CSMD1: variants seen among roughly 807,000 people sequenced by gnomAD.
CSMD1 encodes the protein CUB and Sushi multiple domains 1, also known as CUB and sushi domain-containing protein 1.
CSMD1 carries 213 observed loss-of-function variants against 417.5 expected under a neutral mutation model. The observed-to-expected ratio is 0.51, with a 90% CI of 0.46 to 0.57. The LOEUF (loss-of-function observed/expected upper bound fraction) is 0.57. Ranked by LOEUF, CSMD1 falls within the 20% of genes least tolerant of loss-of-function variation. The pLI is 0.00. For missense variants in CSMD1, 6,923 were observed against 4,529.7 expected, an observed-to-expected ratio of 1.53 and a Z score of -15.17; for synonymous variants, 2,862 against 1,736.8, an observed-to-expected ratio of 1.65 and a Z score of -16.11.
chr8:3,796,520 T>C (rs571730508), intron 5 of CSMD1, among the ~76,000 whole-genome samples: 5 of 144,148 alleles, frequency 3.5e-5, no homozygotes, highest in African/African-American at 1.0e-4. Flanking sequence ...TATCTATATA[T>C]CTATATCTAA....
At chr8:4,236,891 A>T (rs1802098805) in intron 3 of CSMD1, among the ~76,000 whole-genome samples, 1 of 152,190 alleles carries the variant, frequency 6.6e-6, no homozygotes, top group Admixed American at 6.5e-5. Flanking sequence ...AATGGTATAA[A>T]TTCAATTTCC....
chr8:3,943,462 A>G (rs538226678), intron 5 of CSMD1, among the ~76,000 whole-genome samples: 189 of 151,452 alleles, frequency 1.2e-3, no homozygotes, highest in African/African-American at 4.5e-3. Flanking sequence ...TGTTTCTGAC[A>G]AAAATGATCA....
In CSMD1 at chr8:4,429,208, C is replaced by T. The variant is rs571093251; in HGVS notation, c.303-9143G>A. Among the ~76,000 whole-genome samples, 46 of 151,544 alleles carry T rather than the reference C, an allele frequency of 3.0e-4. 1 individual carries two copies. In the South Asian group the frequency reaches 9.0e-3, roughly 30 times the overall value. ...TAGAATTCTAAAAGGATCATGCCTG[C>T]CTTACACGAATATCTGGTTATGTTT... On this transcript the variant is annotated intron_variant, in intron 2 of 69. Transcript: ENST00000635120.
chr8:4,973,839 C>G (rs1810387054), intron 1 of CSMD1, among the ~76,000 whole-genome samples: 1 of 152,122 alleles, frequency 6.6e-6, no homozygotes, highest in African/African-American at 2.4e-5. Flanking sequence ...TAGGAAAACC[C>G]ATTATTCCTT....
At chr8:3,468,197 T>A (rs1816888683) in intron 12 of CSMD1, among the ~76,000 whole-genome samples, 1 of 152,232 alleles carries the variant, frequency 6.6e-6, no homozygotes, top group Non-Finnish European at 1.5e-5. Context: ...TCATTTGCAT[T>A]TCAATGGTTC....
rs1404147606 is a variant in CSMD1 at position 2,966,658 on chromosome 8, G to A, written c.9012C>T (p.Ala3004=). The part of the protein sequence containing the change: ...GILFSSSVIY[A]CWEGYKTSGL... ...CTGAGGTCTTGTAGCCTTCCCAGCAGGCATAGATGACCGAGCTGGAGAACA... is the reference window on the plus strand; with the variant it reads ...CTGAGGTCTTGTAGCCTTCCCAGCAAGCATAGATGACCGAGCTGGAGAACA... The change falls in exon 58 of 70, where the codon GCC becomes GCT. Residue 3004 remains alanine, a synonymous_variant. Transcript: ENST00000635120. 6.2e-7 allele frequency: 1 copy of A among 1,613,714 alleles called. No individual in the cohort carries two copies. Among genetic ancestry groups the A allele is most frequent in the Non-Finnish European group, 8.5e-7 (1 of 1,179,776 alleles).
chr8:4,950,280 T>C (rs1460815460), intron 1 of CSMD1, among the ~76,000 whole-genome samples: 2 of 152,176 alleles, frequency 1.3e-5, no homozygotes, highest in Admixed American at 6.6e-5. Context: ...CATTACTTTA[T>C]GGTTAATTCT....
intron 1 of CSMD1, among the ~76,000 whole-genome samples, chr8:4,968,894 G>C (rs959487700): frequency 6.6e-6 from 1 of 152,126 alleles, no homozygotes; most frequent in Non-Finnish European, 1.5e-5. Flanking sequence ...TGTCTCTCGG[G>C]TTGCCACCAA....
chr8:3,429,435 G>C (rs1326073599), intron 12 of CSMD1, among the ~76,000 whole-genome samples: 1 of 152,178 alleles, frequency 6.6e-6, no homozygotes, highest in African/African-American at 2.4e-5. Context: ...CAAGGGAAAT[G>C]GAAGCCATGT....
chr8:4,157,822 G>C (rs1370229834), intron 3 of CSMD1, among the ~76,000 whole-genome samples: 1 of 152,174 alleles, frequency 6.6e-6, no homozygotes, highest in South Asian at 2.1e-4. Context: ...GCTTTAGTCA[G>C]TCTCCTATCC....
chr8:4,389,330 C>G (rs1424842718), intron 3 of CSMD1, among the ~76,000 whole-genome samples: 2 of 152,040 alleles, frequency 1.3e-5, no homozygotes, highest in Non-Finnish European at 2.9e-5. Flanking sequence ...TCATCCTTCT[C>G]TTGGTGAGTG....
chr8:3,694,629 A>C (rs1800447534), intron 7 of CSMD1, among the ~76,000 whole-genome samples: 1 of 151,930 alleles, frequency 6.6e-6, no homozygotes, highest in Non-Finnish European at 1.5e-5. Context: ...CCTGGGCATG[A>C]GAGGGAGGCT....
chr8:4,443,341 T>C (rs751597292), intron 2 of CSMD1, among the ~76,000 whole-genome samples: 1 of 152,202 alleles, frequency 6.6e-6, no homozygotes, highest in Admixed American at 6.5e-5. Context: ...ACCCACAATA[T>C]GCATACACAC....
chr8:4,183,029 G>A (rs1333330788), intron 3 of CSMD1, among the ~76,000 whole-genome samples: 1 of 152,174 alleles, frequency 6.6e-6, no homozygotes, highest in Admixed American at 6.5e-5. Flanking sequence ...TGAGTAGAAA[G>A]TACACGTGAT....
chr8:3,884,139 C>T (rs1239506082), intron 5 of CSMD1, among the ~76,000 whole-genome samples: 1 of 152,030 alleles, frequency 6.6e-6, no homozygotes, highest in African/African-American at 2.4e-5. Context: ...AATTTTTATT[C>T]CTAAGAAAAT....
At chr8:4,683,522 T>C (rs1422458003) in intron 1 of CSMD1, among the ~76,000 whole-genome samples, 1 of 152,150 alleles carries the variant, frequency 6.6e-6, no homozygotes, top group East Asian at 1.9e-4. Flanking sequence ...CTGTAAGGGA[T>C]TGTGCCAGGA....
chr8:4,176,391 C>G (rs1455889255), intron 3 of CSMD1, among the ~76,000 whole-genome samples: 1 of 152,104 alleles, frequency 6.6e-6, no homozygotes, highest in Non-Finnish European at 1.5e-5. Context: ...CTCTTATTCT[C>G]ATTTTTCCCT....
intron 3 of CSMD1, among the ~76,000 whole-genome samples, chr8:4,088,438 C>T (rs1369691186): frequency 2.0e-5 from 3 of 152,218 alleles, no homozygotes; most frequent in Non-Finnish European, 4.4e-5. Context: ...CTGAATTTCT[C>T]AGCCTCTGTC....
At chr8:4,308,363 AGT>A (rs1156854529) in intron 3 of CSMD1, among the ~76,000 whole-genome samples, 1 of 151,588 alleles carries the variant, frequency 6.6e-6, no homozygotes, top group African/African-American at 2.4e-5. Context: ...CACTGTGTGT[AGT>A]GTGTGTTCTG....
Sources: gnomAD v4.1 joint callset for allele counts (sites outside exome capture counted in the v4.1 genomes callset) on GRCh38, gnomAD v4.1.1 for gene constraint, MANE v1.5 for transcripts, NCBI Gene and HGNC (gene_info 2026-07-23, HGNC 2026-07-21) for gene names.